The following EP300 variants were observed in gnomAD, a reference collection of about 807,000 sequenced individuals.
EP300 encodes the protein EP300 lysine acetyltransferase.
EP300 carries 31 observed loss-of-function variants against 264.0 expected under a neutral mutation model. The observed-to-expected ratio is 0.12, with a 90% CI of 0.09 to 0.16. EP300 has a LOEUF of 0.16. Among genes scored for constraint, EP300 ranks in the 10% least tolerant of loss-of-function variants. The probability of loss-of-function intolerance (pLI) is 1.00; values close to 1 mark genes in which losing one functional copy is unlikely to be tolerated. For synonymous variants in EP300, 1,340 were observed against 1,045.4 expected (o/e 1.28, Z -5.44); for missense variants, 2,766 against 3,052.9 (o/e 0.91, Z 2.21).
At chr22:41,120,521 A>G (rs780925198) in intron 2 of EP300, among the ~76,000 whole-genome samples, 1 of 152,172 alleles carries the variant, frequency 6.6e-6, no homozygotes, top group African/African-American at 2.4e-5. Context: ...CCTGTTGGCA[A>G]ATGACATCAG....
At chr22:41,148,059 T>G (rs1337492425) in intron 12 of EP300, 113 bp downstream of exon 12, 9 of 784,740 alleles carry the variant, frequency 1.1e-5, no homozygotes, top group Non-Finnish European at 1.8e-5. Flanking sequence ...TAACTCCTAG[T>G]TCTTCTGTAA....
rs2145524260 is a variant in EP300, at chr22:41,178,849, C to G, written c.7138C>G (p.Pro2380Ala). ...NSMLSQLASN[P>A]GMANLHGASA... is the part of the protein sequence containing the mutation. The stretch of plus-strand genomic sequence containing the variant: ...AATGCTTTCTCAGCTTGCTAGCAAT[C>G]CAGGCATGGCAAACCTCCATGGTGC... The change falls in exon 31 of 31, where the codon CCA becomes GCA. Residue 2380 changes from proline (P) to alanine (A), a missense_variant. Coordinates refer to ENST00000263253, the MANE Select transcript of EP300 (RefSeq NM_001429.4). 6.2e-7 allele frequency: 1 copy of G among 1,614,216 alleles called. No individual in the cohort carries two copies.
chr22:41,129,806 A>G, intron 4 of EP300, 84 bp from the exon 5 acceptor site: 1 of 981,738 alleles, frequency 1.0e-6, no homozygotes, highest in Non-Finnish European at 1.6e-6. Context: ...CATTTATGTT[A>G]CTTATTAAGT....
At chr22:41,112,396 G>A (rs982341131) in intron 1 of EP300, among the ~76,000 whole-genome samples, 2 of 148,784 alleles carry the variant, frequency 1.3e-5, no homozygotes, top group Non-Finnish European at 3.0e-5. Context: ...ATGTGGTTTC[G>A]CTATATTGGC....
chr22:41,154,885 T>G (rs1371145743), intron 16 of EP300, 110 bp from the exon 17 acceptor site: 3 of 769,704 alleles, frequency 3.9e-6, no homozygotes, highest in Non-Finnish European at 2.3e-6. Context: ...ACAGAGTGGT[T>G]AATTTTGTTA....
intron 2 of EP300, among the ~76,000 whole-genome samples, chr22:41,122,274 T>C (rs1029241743): frequency 6.7e-6 from 1 of 149,074 alleles, no homozygotes; most frequent in Admixed American, 6.9e-5. Flanking sequence ...TAAGTGATTC[T>C]CCTGCCTCAG....
chr22:41,139,080 A>C (rs576626854), intron 8 of EP300, among the ~76,000 whole-genome samples: 67 of 151,912 alleles, frequency 4.4e-4, no homozygotes, highest in African/African-American at 1.6e-3. Flanking sequence ...CATCCTCCCA[A>C]GTAGCTGGGG....
At chr22:41,106,108 CTT>C (rs1026507848) in intron 1 of EP300, among the ~76,000 whole-genome samples, 4 of 152,088 alleles carry the variant, frequency 2.6e-5, no homozygotes, top group African/African-American at 4.8e-5. Flanking sequence ...GTTAAAGTAA[CTT>C]TTTTTAAATG....
At chr22:41,142,613 C>T (rs1318052896) in intron 10 of EP300, among the ~76,000 whole-genome samples, 1 of 152,008 alleles carries the variant, frequency 6.6e-6, no homozygotes, top group African/African-American at 2.4e-5. Flanking sequence ...AGGCTGGGTG[C>T]GGTGGTTCAT....
intron 10 of EP300, among the ~76,000 whole-genome samples, chr22:41,143,918 T>C (rs1362715129): frequency 2.0e-5 from 3 of 152,178 alleles, no homozygotes; most frequent in African/African-American, 2.4e-5. Flanking sequence ...AATACAGTTA[T>C]TATAGAATCA....
chr22:41,102,386 T>C (rs755604874), intron 1 of EP300, among the ~76,000 whole-genome samples: 8 of 152,030 alleles, frequency 5.3e-5, no homozygotes, highest in African/African-American at 7.3e-5. Flanking sequence ...ATCTCACAGA[T>C]AGAGATAGGA....
intron 2 of EP300, among the ~76,000 whole-genome samples, chr22:41,122,785 G>C (rs142973113): frequency 3.4e-4 from 52 of 152,176 alleles, no homozygotes; most frequent in Non-Finnish European, 6.3e-4. Flanking sequence ...GCCAGGCATG[G>C]TGGGAGATGC....
At chr22:41,093,882 G>A (rs2058688070) in intron 1 of EP300, among the ~76,000 whole-genome samples, 2 of 152,230 alleles carry the variant, frequency 1.3e-5, no homozygotes, top group African/African-American at 4.8e-5. Context: ...ATCAAGGTTA[G>A]AAGTTGAAAG....
chr22:41,150,434 G>T (rs1051411739), intron 14 of EP300, among the ~76,000 whole-genome samples: 1 of 152,206 alleles, frequency 6.6e-6, no homozygotes, highest in Admixed American at 6.5e-5. Context: ...TATGTTTCAT[G>T]TTGTACCCTG....
chr22:41,147,774 T>C (rs1339791398), intron 11 of EP300, 63 bp from the exon 12 acceptor site: 1 of 1,144,292 alleles, frequency 8.7e-7, no homozygotes, highest in Non-Finnish European at 1.3e-6. Context: ...ACATAAGAAT[T>C]CTATCTTTTA....
chr22:41,102,632 T>TGGGAAGAACA, intron 1 of EP300, among the ~76,000 whole-genome samples: 1 of 152,212 alleles, frequency 6.6e-6, no homozygotes, highest in South Asian at 2.1e-4. Context: ...AGGAATAGTT[T>TGGGAAGAACA]GGGAAGAACA....
intron 19 of EP300, 162 bp from the exon 20 acceptor site, chr22:41,160,480 G>GC (rs2059102144): frequency 1.6e-6 from 1 of 641,224 alleles, no homozygotes; most frequent in South Asian, 1.8e-5. Flanking sequence ...AAACTGTGGG[G>GC]CCCATATATC....
At chr22:41,115,249 T>C (rs189132484) in intron 1 of EP300, among the ~76,000 whole-genome samples, 2 of 152,308 alleles carry the variant, frequency 1.3e-5, no homozygotes, top group Non-Finnish European at 2.9e-5. Flanking sequence ...CTGGAGACAG[T>C]TTTGATTGTC....
At chr22:41,126,202 T>C in intron 3 of EP300, 162 bp downstream of exon 3, 1 of 698,136 alleles carries the variant, frequency 1.4e-6, no homozygotes, top group Non-Finnish European at 2.4e-6. Context: ...GTGCTTCCTT[T>C]CCATTTCTCT....
Sources: allele counts gnomAD v4.1 joint callset (sites outside exome capture counted in the v4.1 genomes callset), GRCh38; gene constraint gnomAD v4.1.1; transcripts MANE v1.5; gene names NCBI Gene and HGNC (gene_info 2026-07-23, HGNC 2026-07-21).